Variants in FBLIM1 observed in about 807,000 individuals in gnomAD.
The protein encoded by FBLIM1 is filamin binding LIM protein 1.
In FBLIM1, 29 loss-of-function variants were observed where a neutral mutation model predicts 37.4. That is an observed-to-expected ratio of 0.77 (90% confidence interval 0.58 to 1.06). FBLIM1 has a LOEUF of 1.06. FBLIM1 is among the 50% of genes least tolerant of loss of function. FBLIM1 has a pLI of 0.00. For synonymous variants in FBLIM1, 193 were observed against 199.0 expected (o/e 0.97, Z 0.25); for missense variants, 449 against 505.6 (o/e 0.89, Z 1.07).
chr1:15,777,662 C>T (rs1310400468), intron 8 of FBLIM1, among the ~76,000 whole-genome samples: 2 of 151,434 alleles, frequency 1.3e-5, no homozygotes, highest in Non-Finnish European at 2.9e-5. Context: ...CAACCTCTAC[C>T]TCCAGGGTTC....
At chr1:15,775,224 A>G (rs2069444759) in intron 7 of FBLIM1, 1 of 142,748 alleles carries the variant, frequency 7.0e-6, no homozygotes, top group South Asian at 1.8e-4. Flanking sequence ...TCCGTCTCAA[A>G]AAAAAAAAAA....
Position 15,783,555 on chromosome 1 carries a change from G to A in FBLIM1, c.1009-993G>A, listed in dbSNP as rs141886070. Among the ~76,000 whole-genome samples, 1,078 of 148,512 alleles carry A rather than the reference G, an allele frequency of 7.3e-3. 13 individuals are homozygous for A. Among genetic ancestry groups the A allele is most frequent in the African/African-American group, 0.025 (1,024 of 40,348 alleles). On this transcript the variant is annotated intron_variant, in intron 8 of 8. Transcript: ENST00000375766. ...TGGCCTTAAACAGGGTTCCTGTCTCGTAGAACTTACGTTCTTTTTTTTTTT... is the reference window on the plus strand; with the variant it reads ...TGGCCTTAAACAGGGTTCCTGTCTCATAGAACTTACGTTCTTTTTTTTTTT...
rs534025694 is a variant in FBLIM1 at position 15,765,888 on chromosome 1, C to T, written c.250+655C>T. Among the ~76,000 whole-genome samples, 3 of 152,326 alleles carry T rather than the reference C, an allele frequency of 2.0e-5. No homozygotes were observed. In the East Asian group the frequency reaches 5.8e-4, roughly 29 times the overall value. The stretch of plus-strand genomic sequence containing the variant: ...TGGGCCCTGCACCGGGAGGCAGGCA[C>T]TGGGAGAGGCCACAGCACTCTTACT... On this transcript the variant is annotated intron_variant, in intron 3 of 8. Coordinates refer to ENST00000375766, the MANE Select transcript of FBLIM1 (RefSeq NM_017556.4). The surrounding 1 kb of genome is among the most constrained non-coding windows in gnomAD (Gnocchi z 5.9).
intron 7 of FBLIM1, among the ~76,000 whole-genome samples, chr1:15,775,663 G>A (rs1233373447): frequency 6.6e-6 from 1 of 152,078 alleles, no homozygotes; most frequent in Non-Finnish European, 1.5e-5. Flanking sequence ...CCACCCTCCA[G>A]GAACCCCCAC....
intron 8 of FBLIM1, among the ~76,000 whole-genome samples, chr1:15,777,719 C>T (rs1050533121): frequency 3.3e-5 from 5 of 151,904 alleles, no homozygotes; most frequent in South Asian, 2.1e-4. Context: ...ATTACAGGCG[C>T]GCACCACCAC....
In FBLIM1 at chr1:15,765,641, G is replaced by A. The variant is rs1003861292; in HGVS notation, c.250+408G>A. The stretch of plus-strand genomic sequence containing the variant: ...TTTTAGGTGACCAGCTTGGTCATGC[G>A]CCTGGTCTGACTGCAGGACACAAAG... On this transcript the variant is annotated intron_variant, in intron 3 of 8. Coordinates refer to ENST00000375766, the MANE Select transcript of FBLIM1 (RefSeq NM_017556.4). The surrounding 1 kb of genome is among the most constrained non-coding windows in gnomAD (Gnocchi z 5.9). 2.0e-5 allele frequency among the ~76,000 whole-genome samples: 3 copies of A among 152,070 alleles called. No homozygotes were observed. Among genetic ancestry groups the A allele is most frequent in the Non-Finnish European group, 2.9e-5 (2 of 68,014 alleles).
chr1:15,757,679 C>A (rs2068476258), upstream of FBLIM1, among the ~76,000 whole-genome samples: 1 of 152,070 alleles, frequency 6.6e-6, no homozygotes, highest in Non-Finnish European at 1.5e-5. The surrounding 1 kb of genome is among the most constrained non-coding windows in gnomAD (Gnocchi z 4.1). Context: ...CCTGTCTGGC[C>A]ACCCCGCAGA....
In FBLIM1 at chr1:15,767,472, C is replaced by G; in HGVS notation, c.347C>G (p.Pro116Arg). Residue 116 changes from proline (P) to arginine (R), a missense_variant, in exon 4 of 9, where the codon CCT (proline) becomes CGT (arginine). Transcript: ENST00000375766. ...PPPPPPPVLLPSEEEAPAPMG... is the reference protein window; with the variant it reads ...PPPPPPPVLLRSEEEAPAPMG... The stretch of plus-strand genomic sequence containing the variant: ...CCACCGCCCCCTCCAGTGCTTCTGC[C>G]TTCTGAAGAGGAGGCTCCTGCTCCA... 1 of 1,558,506 alleles carries G rather than the reference C, an allele frequency of 6.4e-7. No individual in the cohort carries two copies. Among genetic ancestry groups the G allele is most frequent in the Non-Finnish European group, 8.6e-7 (1 of 1,156,156 alleles).
At chr1:15,784,055 C>A (rs2148667694) in intron 8 of FBLIM1, among the ~76,000 whole-genome samples, 1 of 152,274 alleles carries the variant, frequency 6.6e-6, no homozygotes, top group African/African-American at 2.4e-5. Flanking sequence ...GGTGTGGTGG[C>A]ACACGCCTGT....
At chr1:15,767,332 C>G (rs2068972305) in intron 3 of FBLIM1, 44 bp from the exon 4 acceptor site, 3 of 1,492,550 alleles carry the variant, frequency 2.0e-6, no homozygotes, top group Non-Finnish European at 8.9e-7. Flanking sequence ...CTCCCAGGTC[C>G]ACCTGGGAGG....
At chr1:15,759,243 T>C (rs1044674384) in intron 1 of FBLIM1, among the ~76,000 whole-genome samples, 5 of 152,180 alleles carry the variant, frequency 3.3e-5, no homozygotes, top group African/African-American at 1.2e-4. Flanking sequence ...CCTGCTCGGC[T>C]GCCTGCGGAG....
rs1337118061 is a variant in FBLIM1 at position 15,784,556 on chromosome 1, G to A, written c.1017G>A (p.Arg339=). The change falls in exon 9 of 9, where the codon AGG becomes AGA. Residue 339 remains arginine, a synonymous_variant. Transcript: ENST00000375766. ...HENCYRCEDC[R]ILLSVEPTDQ... Reference sequence around the variant, plus strand: ...TGTCTTTGTCTCCCCAGGACTGCAGGATCCTCCTGTCTGTCGAGCCCACGG... The same window carrying A: ...TGTCTTTGTCTCCCCAGGACTGCAGAATCCTCCTGTCTGTCGAGCCCACGG... 1.9e-6 allele frequency: 3 copies of A among 1,613,752 alleles called. No individual in the cohort carries two copies. Among genetic ancestry groups the A allele is most frequent in the Non-Finnish European group, 1.7e-6 (2 of 1,179,764 alleles).
chr1:15,777,117 T>C, intron 7 of FBLIM1, 53 bp from the exon 8 acceptor site: 1 of 1,437,600 alleles, frequency 7.0e-7, no homozygotes, highest in Non-Finnish European at 9.6e-7. Flanking sequence ...AGCTAATTAA[T>C]TTCTGTGGTT....
At chr1:15,759,751 G>A (rs1311695129) in intron 1 of FBLIM1, among the ~76,000 whole-genome samples, 2 of 152,194 alleles carry the variant, frequency 1.3e-5, no homozygotes, top group African/African-American at 4.8e-5. Context: ...CACCCCGCAG[G>A]AAAGAAGTGG....
intron 4 of FBLIM1, among the ~76,000 whole-genome samples, 180 bp from the exon 5 acceptor site, chr1:15,768,348 A>T (rs906626593): frequency 6.6e-6 from 1 of 152,278 alleles, no homozygotes; most frequent in African/African-American, 2.4e-5. Context: ...GAGGGACCCC[A>T]GTCAGCTGCC....
At chr1:15,768,248 C>T (rs2069022516) in intron 4 of FBLIM1, among the ~76,000 whole-genome samples, 1 of 151,426 alleles carries the variant, frequency 6.6e-6, no homozygotes, top group African/African-American at 2.4e-5. Context: ...CGTCACAGGC[C>T]AAGGGCTTAG....
intron 8 of FBLIM1, among the ~76,000 whole-genome samples, chr1:15,781,193 A>G (rs2069625731): frequency 6.6e-6 from 1 of 152,102 alleles, no homozygotes; most frequent in Non-Finnish European, 1.5e-5. Context: ...CCCCATCTCT[A>G]CTAAAAATAC....
At chr1:15,757,693 C>A (rs2068476692), upstream of FBLIM1, among the ~76,000 whole-genome samples, 1 of 151,486 alleles carries the variant, frequency 6.6e-6, no homozygotes, top group South Asian at 2.1e-4. The surrounding 1 kb of genome is among the most constrained non-coding windows in gnomAD (Gnocchi z 4.1). Flanking sequence ...CCGCAGATGG[C>A]GCTGGGTCCA....
intron 1 of FBLIM1, among the ~76,000 whole-genome samples, chr1:15,760,117 G>C (rs924748656): frequency 2.0e-5 from 3 of 150,820 alleles, no homozygotes; most frequent in Non-Finnish European, 4.4e-5. Context: ...CCAGCTATTC[G>C]GCGGCTGAGG....
Sources: allele counts gnomAD v4.1 joint callset (sites outside exome capture counted in the v4.1 genomes callset), GRCh38; gene constraint gnomAD v4.1.1; non-coding constraint Gnocchi (gnomAD v3.1); transcripts MANE v1.5; gene names NCBI Gene and HGNC (gene_info 2026-07-23, HGNC 2026-07-21).